The following KPNA1 variants were observed in gnomAD, a reference collection of about 807,000 sequenced individuals.
KPNA1 encodes the protein karyopherin subunit alpha 1.
Under a neutral mutation model 70.5 loss-of-function variants are expected in KPNA1, and 10 were observed. That is an observed-to-expected ratio of 0.14 (90% CI 0.09 to 0.24). The LOEUF (loss-of-function observed/expected upper bound fraction) is 0.24, where lower values mean the gene tolerates loss of function less well. KPNA1 is among the 10% of genes least tolerant of loss of function. The pLI is 1.00. For synonymous variants in KPNA1, 192 were observed against 221.9 expected, an observed-to-expected ratio of 0.87 and a Z score of 1.20; for missense variants, 397 against 637.9, an observed-to-expected ratio of 0.62 and a Z score of 4.07.
At chr3:122,511,906 T>C (rs757037491) in intron 1 of KPNA1, among the ~76,000 whole-genome samples, 44 of 152,220 alleles carry the variant, frequency 2.9e-4, no homozygotes, top group Non-Finnish European at 4.4e-4. Context: ...AACTCTATTT[T>C]ATCATTAATT....
intron 11 of KPNA1, among the ~76,000 whole-genome samples, chr3:122,436,129 T>C (rs572773166): frequency 6.6e-5 from 10 of 152,322 alleles, no homozygotes; most frequent in African/African-American, 2.4e-4. Context: ...GTCTGTCTTA[T>C]ATGGTTGTGG....
At chr3:122,478,273 T>C (rs2076527667) in intron 2 of KPNA1, among the ~76,000 whole-genome samples, 2 of 150,718 alleles carry the variant, frequency 1.3e-5, no homozygotes, top group Admixed American at 1.3e-4. Context: ...AAACCACAGG[T>C]CTTACATCCT....
In KPNA1 at chr3:122,476,052, T is replaced by C. The variant is rs150807464; in HGVS notation, c.130-8623A>G. On this transcript the variant is annotated intron_variant, in intron 2 of 13. Transcript: ENST00000344337. The stretch of plus-strand genomic sequence containing the variant: ...AGGGTCAACTGTATGTTACACACTA[T>C]AGTAATCAAAACAGCAAGGTCTTGG... Among the ~76,000 whole-genome samples, 57 of 152,278 alleles carry C rather than the reference T, an allele frequency of 3.7e-4. No homozygotes were observed. The East Asian group carries it at 7.5e-3, about 20-fold the overall frequency.
At chr3:122,462,533 CTGGCAAACCAGAATACA>C in intron 4 of KPNA1, among the ~76,000 whole-genome samples, 1 of 151,284 alleles carries the variant, frequency 6.6e-6, no homozygotes, top group African/African-American at 2.4e-5. Context: ...AAGAGGTATG[CTGGCAAACCAGAATACA>C]TGCAGGAAGG....
chr3:122,503,398 T>A (rs1173982530), intron 1 of KPNA1, among the ~76,000 whole-genome samples: 1 of 152,192 alleles, frequency 6.6e-6, no homozygotes, highest in African/African-American at 2.4e-5. Context: ...CCAAACTTTT[T>A]AAAAAATCTA....
chr3:122,501,529 T>C (rs1302234636), intron 1 of KPNA1, among the ~76,000 whole-genome samples: 1 of 152,216 alleles, frequency 6.6e-6, no homozygotes, highest in Non-Finnish European at 1.5e-5. Flanking sequence ...TTTCTCAAAT[T>C]TCCTCCTGTT....
chr3:122,509,201 A>T, intron 1 of KPNA1, among the ~76,000 whole-genome samples: 1 of 151,790 alleles, frequency 6.6e-6, no homozygotes, highest in Non-Finnish European at 1.5e-5. Flanking sequence ...AGCCAAGATC[A>T]TGCCACTGCA....
intron 5 of KPNA1, chr3:122,457,793 C>G (rs1186026950): frequency 1.6e-6 from 2 of 1,289,760 alleles, no homozygotes; most frequent in African/African-American, 3.0e-5. Context: ...GATCAGGACT[C>G]TGTTGCTGGC....
At chr3:122,468,397 C>A (rs867175725) in intron 2 of KPNA1, among the ~76,000 whole-genome samples, 8 of 152,152 alleles carry the variant, frequency 5.3e-5, no homozygotes, top group Admixed American at 2.0e-4. Context: ...TAACTTAATA[C>A]TAATCAGCAC....
rs1459609815 is a variant in KPNA1 at position 122,451,682 on chromosome 3, T to C, written c.654-49A>G. On this transcript the variant is annotated intron_variant, in intron 7 of 13. Coordinates refer to ENST00000344337, the MANE Select transcript of KPNA1 (RefSeq NM_002264.4). ...TAAACTATGTAACAGACAGTGATTATCTGATGACATAAATACTAAATAATA... is the reference window on the plus strand; with the variant it reads ...TAAACTATGTAACAGACAGTGATTACCTGATGACATAAATACTAAATAATA... 5 of 1,171,450 alleles carry C rather than the reference T, an allele frequency of 4.3e-6. No individual in the cohort carries two copies. In the African/African-American group the frequency reaches 4.6e-5, roughly 11 times the overall value. The allele number at this position is 1,171,450 out of a possible 1,614,324, so 72.6% of individuals were successfully genotyped here.
intron 2 of KPNA1, among the ~76,000 whole-genome samples, chr3:122,475,816 AATGTT>A (rs947585830): frequency 2.0e-5 from 3 of 152,198 alleles, no homozygotes; most frequent in African/African-American, 7.2e-5. Flanking sequence ...CAGAAAAGAA[AATGTT>A]ATTTAGAAAA....
In KPNA1 at chr3:122,426,852, AG is replaced by A. The variant is rs2075829591; in HGVS notation, c.*132del. ...ATGTGTGTAAGAGAGCAGGTGCGCA[AG>A]GCAAGCAAATGAGCGCAAACAGTAT... On this transcript the variant is annotated 3_prime_UTR_variant, in exon 14 of 14. Coordinates refer to ENST00000344337, the MANE Select transcript of KPNA1 (RefSeq NM_002264.4). 1 of 660,674 alleles carries A rather than the reference AG, an allele frequency of 1.5e-6. No individual in the cohort carries two copies. The highest frequency in any genetic ancestry group is 2.5e-6 in the Non-Finnish European group (1 of 394,772). The allele number at this position is 660,674 out of a possible 1,614,324, so 40.9% of individuals were successfully genotyped here. A position where few individuals can be genotyped will look rare whatever the true frequency, so the allele number is the denominator to read the frequency against.
intron 1 of KPNA1, among the ~76,000 whole-genome samples, chr3:122,502,446 A>G (rs572774117): frequency 2.0e-5 from 3 of 152,374 alleles, no homozygotes; most frequent in East Asian, 1.9e-4. Flanking sequence ...GAAAGGCTAC[A>G]TAAGAAGACA....
intron 3 of KPNA1, among the ~76,000 whole-genome samples, chr3:122,465,874 C>G (rs1576313551): frequency 2.0e-5 from 3 of 152,332 alleles, no homozygotes; most frequent in Middle Eastern, 6.8e-3. Context: ...AACTCTTAAC[C>G]TGAATTTATA....
chr3:122,444,462 T>A (rs1347618771), intron 9 of KPNA1, among the ~76,000 whole-genome samples: 1 of 152,216 alleles, frequency 6.6e-6, no homozygotes, highest in Non-Finnish European at 1.5e-5. Context: ...CGATTTATGT[T>A]CAGAGACTGC....
chr3:122,452,580 AGG>A (rs2076217451), intron 6 of KPNA1, among the ~76,000 whole-genome samples: 1 of 20,248 alleles, frequency 4.9e-5, no homozygotes, highest in African/African-American at 2.3e-4. Context: ...GAGGGAAGGA[AGG>A]AAGGAAGGAA....
chr3:122,477,451 G>C (rs1033359569), intron 2 of KPNA1, among the ~76,000 whole-genome samples: 3 of 152,160 alleles, frequency 2.0e-5, no homozygotes, highest in African/African-American at 7.2e-5. Flanking sequence ...TGAAATCCCA[G>C]CAATTTGGAA....
chr3:122,500,683 G>T (rs896459375), intron 1 of KPNA1, among the ~76,000 whole-genome samples: 1 of 151,798 alleles, frequency 6.6e-6, no homozygotes, highest in Non-Finnish European at 1.5e-5. Context: ...GGGGGGCTAG[G>T]GGGATAGAGA....
chr3:122,506,732 T>C (rs79266096), intron 1 of KPNA1, among the ~76,000 whole-genome samples: 3,185 of 152,264 alleles, frequency 0.021, 120 homozygotes, highest in African/African-American at 0.072. Context: ...GTTTCAAATG[T>C]TTTCCTTTGA....
Sources: gnomAD v4.1 joint callset for allele counts (sites outside exome capture counted in the v4.1 genomes callset) on GRCh38, gnomAD v4.1.1 for gene constraint, MANE v1.5 for transcripts, NCBI Gene and HGNC (gene_info 2026-07-23, HGNC 2026-07-21) for gene names.